Variants in TAF1C observed in about 807,000 individuals in gnomAD.
TAF1C encodes TATA box-binding protein-associated factor RNA polymerase I subunit C.
A neutral mutation model predicts 70.5 loss-of-function variants in TAF1C; 79 were observed. The ratio of observed to expected loss-of-function variants is 1.12; its 90% confidence interval spans 0.93 to 1.35. The LOEUF is 1.35. Ranked by LOEUF, TAF1C falls within the 40% of genes most tolerant of loss-of-function variation. The probability of loss-of-function intolerance (pLI) is 0.00; values close to 1 mark genes in which losing one functional copy is unlikely to be tolerated. For missense variants in TAF1C, 1,412 were observed against 1,127.8 expected (o/e 1.25, Z -3.61); for synonymous variants, 614 against 491.1 (o/e 1.25, Z -3.31).
Position 84,180,056 on chromosome 16 carries a change from G to C in TAF1C, c.1511C>G (p.Ala504Gly). The C allele has an allele frequency of 5.6e-6, 9 of 1,604,218 alleles. No homozygotes were observed. The highest frequency in any genetic ancestry group is 1.3e-5 in the African/African-American group (1 of 74,846). ...GGAAGGAAGAGACTGGGGGGGGCCTGCCAGGCGGGGCACCGACGCCCCTTC... is the reference window on the plus strand; with the variant it reads ...GGAAGGAAGAGACTGGGGGGGGCCTCCCAGGCGGGGCACCGACGCCCCTTC... The part of the protein sequence containing the change: ...AGEGASVPRL[A>G]GPPQSLPSRI... Residue 504 changes from alanine to glycine, a missense_variant, in exon 14 of 15, where the codon GCA becomes GGA. Ala to Gly is a moderately conservative substitution (Grantham distance 60). Coordinates refer to ENST00000566732, the MANE Select transcript of TAF1C (RefSeq NM_001243156.2).
At position 84,182,462 on chromosome 16, in the gene TAF1C, G is replaced by T. The variant is rs1357242915; in HGVS notation, c.483-22C>A. 6.3e-7 allele frequency: 1 copy of T among 1,587,894 alleles called. No homozygotes were observed. The highest frequency in any genetic ancestry group is 1.3e-5 in the African/African-American group (1 of 74,774). On this transcript the variant is annotated intron_variant, in intron 6 of 14. Transcript: ENST00000566732. The surrounding 1 kb of genome is among the most constrained non-coding windows in gnomAD (Gnocchi z 5.0). Reference sequence around the variant, plus strand: ...ACACCTGGGGACCAGAGAACAGCAGGAGGATCACTCGGTGGCACTCAGGGG... The same window carrying T: ...ACACCTGGGGACCAGAGAACAGCAGTAGGATCACTCGGTGGCACTCAGGGG...
Position 84,185,051 on chromosome 16 carries a change from G to A in TAF1C, c.-63C>T, listed in dbSNP as rs1480869417. ...GAGAGACTGGAAGCTGGTAAGGGGC[G>A]CCAGAGTTCCTGAGGAGTGAAAAGT... On this transcript the variant is annotated 5_prime_UTR_variant, in exon 2 of 15. Transcript: ENST00000566732. The A allele has an allele frequency of 1.3e-5, 20 of 1,568,778 alleles. No individual in the cohort carries two copies. Among genetic ancestry groups the A allele is most frequent in the South Asian group, 5.9e-5 (5 of 85,074 alleles).
intron 1 of TAF1C, 170 bp from the exon 2 acceptor site, chr16:84,185,230 C>G (rs1436844465): frequency 2.4e-6 from 1 of 412,210 alleles, no homozygotes. Flanking sequence ...TTCAGCAAAG[C>G]CAGCCAGGAA....
At chr16:84,185,877 G>A (rs1365235142) in intron 1 of TAF1C, among the ~76,000 whole-genome samples, 1 of 152,046 alleles carries the variant, frequency 6.6e-6, no homozygotes, top group Non-Finnish European at 1.5e-5. Context: ...TGTAGCCTGG[G>A]CAACAAGAGC....
chr16:84,179,757 C>G lies in TAF1C; in HGVS notation c.1716G>C (p.Gln572His). 6.2e-7 allele frequency: 1 copy of G among 1,610,138 alleles called. No homozygotes were observed. The highest frequency in any genetic ancestry group is 8.5e-7 in the Non-Finnish European group (1 of 1,178,998). Reference sequence around the variant, plus strand: ...GGCTGGAGTCCACCTGGGGGCGGAGCTGCTGGTAGAAGACATCTCCCGCCG... The same window carrying G: ...GGCTGGAGTCCACCTGGGGGCGGAGGTGCTGGTAGAAGACATCTCCCGCCG... ...LSAAGDVFYQQLRPQVDSSLR... is the reference protein window; with the variant it reads ...LSAAGDVFYQHLRPQVDSSLR... Residue 572 changes from glutamine to histidine, a missense_variant, in exon 15 of 15, where the codon CAG becomes CAC. Coordinates refer to ENST00000566732, the MANE Select transcript of TAF1C (RefSeq NM_001243156.2).
chr16:84,183,421 C>T lies in TAF1C; in HGVS notation c.307G>A (p.Val103Met). 4 of 1,613,040 alleles carry T rather than the reference C, an allele frequency of 2.5e-6. No individual in the cohort carries two copies. Among genetic ancestry groups the T allele is most frequent in the Non-Finnish European group, 3.4e-6 (4 of 1,179,468 alleles). The change falls in exon 4 of 15, where the codon GTG becomes ATG. Residue 103 changes from valine (V) to methionine (M), a missense_variant. Val to Met is a conservative substitution (Grantham distance 21). Transcript: ENST00000566732. ...YRKRPRVVLD[V>M]TEQISRFLLD... is the part of the protein sequence containing the mutation. The stretch of plus-strand genomic sequence containing the variant: ...GTGGGCCCACTCACCTGCTCAGTCA[C>T]ATCCAGCACGACTCGGGGCCGCTTC...
chr16:84,184,799 C>T (rs918019008), intron 2 of TAF1C, 52 bp downstream of exon 2: 1 of 1,541,642 alleles, frequency 6.5e-7, no homozygotes, highest in East Asian at 2.4e-5. Flanking sequence ...GACGGGGGAC[C>T]CAGGGAAGGG....
Position 84,182,245 on chromosome 16 carries a change from G to A in TAF1C, c.678C>T (p.Phe226=), listed in dbSNP as rs779909732. The change falls in exon 7 of 15, where the codon TTC becomes TTT. Residue 226 remains phenylalanine, a synonymous_variant. Coordinates refer to ENST00000566732, the MANE Select transcript of TAF1C (RefSeq NM_001243156.2). The surrounding 1 kb of genome is among the most constrained non-coding windows in gnomAD (Gnocchi z 5.0). The part of the protein sequence containing the change: ...LAWVPGRTPQ[F]GQLVYPAGGA... ...CTCCAGCAGGGTAGACCAGCTGCCC[G>A]AACTGGGGTGTCCTTCCAGGAACCC... 20 of 1,612,828 alleles carry A rather than the reference G, an allele frequency of 1.2e-5. No individual in the cohort carries two copies. In the East Asian group the frequency reaches 1.8e-4, roughly 14 times the overall value.
rs368065785 is a variant in TAF1C, at chr16:84,181,069, G to A, written c.1282C>T (p.Pro428Ser). Residue 428 changes from proline to serine, a missense_variant, in exon 12 of 15, where the codon CCT (proline) becomes TCT (serine). By Grantham distance (74) the Pro-to-Ser change is moderately conservative. Transcript: ENST00000566732. ...LGHSSPKCLP[P>S]TLHLVCTQFS... ...TGGGTACAGACGAGATGAAGAGTAG[G>A]GGGGAGGCATTTGGGGCTGGAGTGC... The A allele has an allele frequency of 1.4e-5, 23 of 1,611,798 alleles. No homozygotes were observed. The highest frequency in any genetic ancestry group is 1.9e-5 in the Non-Finnish European group (22 of 1,178,226).
At chr16:84,180,692 C>T (rs1184617084) in intron 12 of TAF1C, 1 of 870,958 alleles carries the variant, frequency 1.1e-6, no homozygotes, top group Non-Finnish European at 1.6e-6. Flanking sequence ...ACGAATGTCC[C>T]CGGGAGGGCG....
rs1462314580 is a variant in TAF1C at position 84,178,810 on chromosome 16, GGCTCATC to G, written c.*124_*130del. On this transcript the variant is annotated 3_prime_UTR_variant, in exon 15 of 15. Coordinates refer to ENST00000566732, the MANE Select transcript of TAF1C (RefSeq NM_001243156.2). ...CCTTCAACTTGGCTCCAAATTGCTT[GGCTCATC>G]ATCACAGTGGCCTCCAGAAGGTGGC... The G allele has an allele frequency of 1.3e-5, 13 of 990,676 alleles. No homozygotes were observed. Among genetic ancestry groups the G allele is most frequent in the Non-Finnish European group, 1.9e-5 (13 of 686,828 alleles). The allele number at this position is 990,676 out of a possible 1,614,324, so 61.4% of individuals were successfully genotyped here.
Position 84,178,585 on chromosome 16 carries a change from C to A in TAF1C, c.*356G>T. 1 of 430,092 alleles carries A rather than the reference C, an allele frequency of 2.3e-6. No homozygotes were observed. The highest frequency in any genetic ancestry group is 1.9e-5 in the South Asian group (1 of 53,648). The allele number at this position is 430,092 out of a possible 1,614,324, so 26.6% of individuals were successfully genotyped here. On this transcript the variant is annotated 3_prime_UTR_variant, in exon 15 of 15. Transcript: ENST00000566732. ...GGAGCCAGCACTCCTGGCCCCCATT[C>A]CACTGGACAGGAAGGCGTGAGAACT... is the stretch of plus-strand genomic sequence containing the variant.
intron 12 of TAF1C, 147 bp from the exon 13 acceptor site, chr16:84,180,491 T>G: frequency 2.4e-6 from 2 of 827,724 alleles, no homozygotes; most frequent in Admixed American, 6.6e-5. Flanking sequence ...CCTCTCAGAC[T>G]TCACCTGCCA....
In TAF1C at chr16:84,178,279, A is replaced by C. The variant is rs953802271; in HGVS notation, c.*662T>G. The C allele has an allele frequency of 2.2e-6, 1 of 454,410 alleles. No homozygotes were observed. Among genetic ancestry groups the C allele is most frequent in the Non-Finnish European group, 4.4e-6 (1 of 225,604 alleles). The allele number at this position is 454,410 out of a possible 1,614,324, so 28.1% of individuals were successfully genotyped here. ...CCACAGGTGCCAGACCCATGTCCCA[A>C]GGGAGAAGGAACATCAGCCATCATC... is the stretch of plus-strand genomic sequence containing the variant. On this transcript the variant is annotated 3_prime_UTR_variant, in exon 15 of 15. Coordinates refer to ENST00000566732, the MANE Select transcript of TAF1C (RefSeq NM_001243156.2).
intron 2 of TAF1C, 74 bp downstream of exon 2, chr16:84,184,777 A>C: frequency 6.6e-7 from 1 of 1,504,854 alleles, no homozygotes; most frequent in South Asian, 1.3e-5. Flanking sequence ...TTGTCAACTG[A>C]TGTGAATGTG....
In TAF1C at chr16:84,181,281, G is replaced by A. The variant is rs4150153; in HGVS notation, c.1164+47C>T. The A allele has an allele frequency of 5.3e-4, 860 of 1,607,608 alleles. 3 individuals are homozygous for A. In the African/African-American group the frequency reaches 0.01, roughly 19 times the overall value. The stretch of plus-strand genomic sequence containing the variant: ...CAGCCAGCCTGGGACTCACCGCTCT[G>A]CGGCCGCTCCCGCAGTCGGGGTGGG... On this transcript the variant is annotated intron_variant, in intron 11 of 14. Coordinates refer to ENST00000566732, the MANE Select transcript of TAF1C (RefSeq NM_001243156.2).
chr16:84,179,127 T>A lies in TAF1C; in HGVS notation c.2346A>T (p.Pro782=), dbSNP rs781600975. The A allele has an allele frequency of 1.2e-6, 2 of 1,608,516 alleles. No individual in the cohort carries two copies. The highest frequency in any genetic ancestry group is 4.5e-5 in the East Asian group (2 of 44,792). The change falls in exon 15 of 15, where the codon CCA becomes CCT. Residue 782 remains proline, a synonymous_variant. Transcript: ENST00000566732. ...CACGGAGCATCTGCCGCTGCTCTGA[T>A]GGGACGCCCTGGGCGCATGCATCCG... ...LTPDACAQGV[P]SEQRQMLRDY...
Position 84,181,240 on chromosome 16 carries a change from G to A in TAF1C, c.1165-54C>T, listed in dbSNP as rs548189819. 10 of 1,596,550 alleles carry A rather than the reference G, an allele frequency of 6.3e-6. No individual in the cohort carries two copies. In the African/African-American group the frequency reaches 1.2e-4, roughly 19 times the overall value. ...CCCACAGTCCCAGGCCGGTGACGCT[G>A]TCCTCGCCCAGGCCGCAGCCAGCCT... On this transcript the variant is annotated intron_variant, in intron 11 of 14. Coordinates refer to ENST00000566732, the MANE Select transcript of TAF1C (RefSeq NM_001243156.2).
Position 84,182,578 on chromosome 16 carries a change from T to C in TAF1C, c.483-138A>G, listed in dbSNP as rs560061768. 6.3e-5 allele frequency: 50 copies of C among 795,342 alleles called. No homozygotes were observed. The highest frequency in any genetic ancestry group is 9.6e-5 in the Non-Finnish European group (49 of 513,024). 49.3% of individuals were successfully genotyped at this position (795,342 alleles called of 1,614,324 possible). A position where few individuals can be genotyped will look rare whatever the true frequency, so the allele number is the denominator to read the frequency against. ...TCCTTTGGGAGACCACCCCATCCTGTTCCCATGCCCCGGAAGCAATCATGT... is the reference window on the plus strand; with the variant it reads ...TCCTTTGGGAGACCACCCCATCCTGCTCCCATGCCCCGGAAGCAATCATGT... On this transcript the variant is annotated intron_variant, in intron 6 of 14. Transcript: ENST00000566732. This position sits in a 1 kb window ranked among gnomAD's most constrained non-coding sequence, Gnocchi z 5.0.
Sources: gnomAD v4.1 joint callset for allele counts (sites outside exome capture counted in the v4.1 genomes callset) on GRCh38, gnomAD v4.1.1 for gene constraint, Gnocchi (gnomAD v3.1) non-coding constraint, MANE v1.5 for transcripts, NCBI Gene and HGNC (gene_info 2026-07-23, HGNC 2026-07-21) for gene names.